NDST3: variants seen among roughly 807,000 people sequenced by gnomAD.
NDST3 encodes bifunctional heparan sulfate N-deacetylase/N-sulfotransferase 3.
Under a neutral mutation model 96.1 loss-of-function variants are expected in NDST3, and 58 were observed. That is an observed-to-expected ratio of 0.60 (90% CI 0.49 to 0.75). NDST3 has a LOEUF of 0.75. Ranked by LOEUF, NDST3 falls within the 30% of genes least tolerant of loss-of-function variation. NDST3 has a pLI of 0.00. For synonymous variants in NDST3, 333 were observed against 359.7 expected, an observed-to-expected ratio of 0.93 and a Z score of 0.84; for missense variants, 788 against 1,034.2, an observed-to-expected ratio of 0.76 and a Z score of 3.27.
intron 11 of NDST3, 89 bp downstream of exon 11, chr4:118,240,783 C>G: frequency 8.0e-7 from 1 of 1,256,500 alleles, no homozygotes; most frequent in East Asian, 2.4e-5. Context: ...AATTGTTAAA[C>G]TATTACTAGT....
At chr4:118,157,104 T>A (rs1001361573) in intron 6 of NDST3, among the ~76,000 whole-genome samples, 1 of 152,164 alleles carries the variant, frequency 6.6e-6, no homozygotes, top group African/African-American at 2.4e-5. Context: ...ATCTGTGGTA[T>A]AGCCATACAA....
intron 6 of NDST3, among the ~76,000 whole-genome samples, chr4:118,215,755 T>C (rs1739157567): frequency 6.6e-6 from 1 of 152,034 alleles, no homozygotes; most frequent in Non-Finnish European, 1.5e-5. Context: ...ATGGAACACC[T>C]TTGCTTGACA....
intron 1 of NDST3, among the ~76,000 whole-genome samples, chr4:118,038,435 C>G (rs1252699341): frequency 6.6e-6 from 1 of 152,116 alleles, no homozygotes; most frequent in Non-Finnish European, 1.5e-5. Context: ...ATGTACCAAA[C>G]AAAGCTAATG....
At chr4:118,062,732 G>A (rs1725997090) in intron 2 of NDST3, among the ~76,000 whole-genome samples, 1 of 152,032 alleles carries the variant, frequency 6.6e-6, no homozygotes, top group South Asian at 2.1e-4. Context: ...TATTAAATTT[G>A]TTGTTACATT....
chr4:118,047,162 A>G (rs1724816239), intron 1 of NDST3, among the ~76,000 whole-genome samples: 5 of 152,216 alleles, frequency 3.3e-5, no homozygotes. Context: ...TTGCTACTAT[A>G]CACCCCTGTG....
At chr4:118,254,518 G>A (rs986558109) in intron 13 of NDST3, among the ~76,000 whole-genome samples, 4 of 152,078 alleles carry the variant, frequency 2.6e-5, no homozygotes, top group African/African-American at 9.7e-5. Context: ...ATCACTTAAT[G>A]CTACAGTTTT....
rs141614010 is a variant in NDST3, at chr4:118,092,904, G to T, written c.982-12114G>T. Among the ~76,000 whole-genome samples the T allele has an allele frequency of 8.4e-4, 127 of 151,944 alleles. 1 individual carries two copies. The highest frequency in any genetic ancestry group is 3.0e-3 in the African/African-American group (123 of 41,514). On this transcript the variant is annotated intron_variant, in intron 2 of 13. Coordinates refer to ENST00000296499, the MANE Select transcript of NDST3 (RefSeq NM_004784.3). ...AGTCTGAGCCTCAGAAAATAGAGAA[G>T]TGTTGTTACATTTATAAGGATGTCC...
Position 118,054,492 on chromosome 4 carries a change from T to C in NDST3, c.582T>C (p.Cys194=). 1 of 1,613,232 alleles carries C rather than the reference T, an allele frequency of 6.2e-7. No homozygotes were observed. Among genetic ancestry groups the C allele is most frequent in the Non-Finnish European group, 8.5e-7 (1 of 1,179,450 alleles). Residue 194 remains cysteine, a synonymous_variant, in exon 2 of 14, where the codon TGT becomes TGC. Transcript: ENST00000296499. The stretch of plus-strand genomic sequence containing the variant: ...GAAATCTTGCAGTAAAAGATTGTTG[T>C]ATTAATCCTCATTCTCCATTGATTC... ...IYGNLAVKDC[C]INPHSPLIRV...
At chr4:118,098,586 G>A (rs1398319267) in intron 2 of NDST3, among the ~76,000 whole-genome samples, 1 of 151,980 alleles carries the variant, frequency 6.6e-6, no homozygotes, top group Non-Finnish European at 1.5e-5. Flanking sequence ...TAATTTAGAG[G>A]TTATATATAA....
chr4:118,082,844 T>C (rs1167093131), intron 2 of NDST3, among the ~76,000 whole-genome samples: 1 of 152,118 alleles, frequency 6.6e-6, no homozygotes, highest in Non-Finnish European at 1.5e-5. Context: ...GAAGCATGGC[T>C]GGGGAGGCCT....
chr4:118,131,944 G>T (rs574856692), intron 4 of NDST3, among the ~76,000 whole-genome samples: 1 of 152,170 alleles, frequency 6.6e-6, no homozygotes. Context: ...GCCTGGAACT[G>T]GGATTATGAT....
chr4:118,125,366 T>C (rs1731964739), intron 4 of NDST3, among the ~76,000 whole-genome samples: 1 of 151,960 alleles, frequency 6.6e-6, no homozygotes, highest in Non-Finnish European at 1.5e-5. Context: ...ACAAATCTAC[T>C]AAAAACAACA....
At chr4:118,050,987 T>C (rs1725041627) in intron 1 of NDST3, among the ~76,000 whole-genome samples, 1 of 152,138 alleles carries the variant, frequency 6.6e-6, no homozygotes, top group Non-Finnish European at 1.5e-5. Flanking sequence ...AAAGCTACAG[T>C]AACCCAAACA....
At chr4:118,142,588 G>A (rs894603238) in intron 5 of NDST3, among the ~76,000 whole-genome samples, 1 of 152,092 alleles carries the variant, frequency 6.6e-6, no homozygotes, top group Non-Finnish European at 1.5e-5. Flanking sequence ...CATAAAACAT[G>A]AAGATTGATT....
intron 2 of NDST3, among the ~76,000 whole-genome samples, chr4:118,094,043 T>C (rs13126882): frequency 0.75 from 114,105 of 151,582 alleles, 45,597 homozygotes; most frequent in South Asian, 0.92. Flanking sequence ...ATCCCAATCA[T>C]GAGAGCTCCA....
chr4:118,144,012 T>TC (rs1363528696), intron 6 of NDST3, among the ~76,000 whole-genome samples: 2 of 152,056 alleles, frequency 1.3e-5, no homozygotes, highest in African/African-American at 2.4e-5. Context: ...CATTTTTTTT[T>TC]CCATTTAGAC....
intron 10 of NDST3, 114 bp from the exon 11 acceptor site, chr4:118,240,408 ACT>A (rs1740930973): frequency 1.3e-6 from 1 of 754,282 alleles, no homozygotes; most frequent in African/African-American, 1.8e-5. Flanking sequence ...AAAATAGATA[ACT>A]CTCCAGCAGT....
chr4:118,105,703 A>C (rs7671434), intron 3 of NDST3, among the ~76,000 whole-genome samples: 114,516 of 152,056 alleles, frequency 0.75, 45,775 homozygotes, highest in South Asian at 0.92. Flanking sequence ...CTATTCCATT[A>C]AGCTGTAGAT....
intron 2 of NDST3, among the ~76,000 whole-genome samples, chr4:118,056,760 CT>C (rs1725464559): frequency 2.0e-5 from 3 of 151,890 alleles, no homozygotes; most frequent in African/African-American, 7.2e-5. Flanking sequence ...CCGTTCAGTT[CT>C]TGATATGGCT....
Sources: allele counts gnomAD v4.1 joint callset (sites outside exome capture counted in the v4.1 genomes callset), GRCh38; gene constraint gnomAD v4.1.1; transcripts MANE v1.5; gene names NCBI Gene and HGNC (gene_info 2026-07-23, HGNC 2026-07-21).